Variants in MMP16 observed in about 807,000 individuals in gnomAD.
MMP16 encodes the protein matrix metallopeptidase 16.
In MMP16, 12 loss-of-function variants were observed where a neutral mutation model predicts 67.8. That is an observed-to-expected ratio of 0.18 (90% CI 0.11 to 0.29). The LOEUF (loss-of-function observed/expected upper bound fraction) is 0.29. Among genes scored for constraint, MMP16 ranks in the 10% least tolerant of loss-of-function variants. The pLI, the probability that MMP16 is intolerant of heterozygous loss-of-function variation, is 1.00. For missense variants in MMP16, 475 were observed against 765.7 expected, an observed-to-expected ratio of 0.62 and a Z score of 4.48; for synonymous variants, 249 against 255.9, an observed-to-expected ratio of 0.97 and a Z score of 0.26.
intron 1 of MMP16, among the ~76,000 whole-genome samples, chr8:88,271,953 A>C (rs1274628947): frequency 6.6e-6 from 1 of 152,228 alleles, no homozygotes; most frequent in Non-Finnish European, 1.5e-5. Flanking sequence ...TTGGCTCAGC[A>C]ATTTACCAGC....
intron 3 of MMP16, among the ~76,000 whole-genome samples, chr8:88,183,712 C>CTTTTTTTTTTTT (rs71277981): frequency 1.1e-5 from 1 of 92,066 alleles, no homozygotes; most frequent in Non-Finnish European, 2.0e-5. Context: ...AAATGTCCTT[C>CTTTTTTTTTTTT]TTTTTTTTTT....
intron 9 of MMP16, among the ~76,000 whole-genome samples, chr8:88,045,201 T>G (rs1399690365): frequency 1.3e-5 from 2 of 152,222 alleles, no homozygotes; most frequent in Non-Finnish European, 2.9e-5. Context: ...TGGGACACTA[T>G]CACACAGAAT....
At chr8:88,078,447 C>T (rs553890227) in intron 6 of MMP16, among the ~76,000 whole-genome samples, 4 of 152,196 alleles carry the variant, frequency 2.6e-5, no homozygotes, top group Admixed American at 1.3e-4. Context: ...AATTCTGGCT[C>T]GTGATAGGCA....
intron 1 of MMP16, among the ~76,000 whole-genome samples, chr8:88,294,244 A>G (rs1002572143): frequency 1.3e-5 from 2 of 150,790 alleles, no homozygotes; most frequent in African/African-American, 4.9e-5. Context: ...ACATATATAT[A>G]CACATATATA....
chr8:88,039,657 A>C lies in MMP16; in HGVS notation c.*1804T>G, dbSNP rs1459688537. 1 of 152,632 alleles carries C rather than the reference A, an allele frequency of 6.6e-6. No homozygotes were observed. The highest frequency in any genetic ancestry group is 2.4e-5 in the African/African-American group (1 of 41,454). 9.5% of individuals were successfully genotyped at this position (152,632 alleles called of 1,614,324 possible). ...CATTGTTTCAAAAGCTAATCCCCTC[A>C]AAGCTGGCTTTCACACAAAGCCAAT... On this transcript the variant is annotated 3_prime_UTR_variant, in exon 10 of 10. Transcript: ENST00000286614. This position sits in a 1 kb window ranked among gnomAD's most constrained non-coding sequence, Gnocchi z 4.5.
intron 6 of MMP16, among the ~76,000 whole-genome samples, chr8:88,079,721 C>T (rs1808714815): frequency 6.6e-6 from 1 of 152,030 alleles, no homozygotes; most frequent in Non-Finnish European, 1.5e-5. Context: ...GGAGGTGGAG[C>T]CTTTGGGAAT....
intron 6 of MMP16, among the ~76,000 whole-genome samples, chr8:88,094,393 A>G (rs1283110631): frequency 6.6e-6 from 1 of 151,768 alleles, no homozygotes; most frequent in Admixed American, 6.6e-5. Flanking sequence ...AACTAGTGAT[A>G]TTGTTCACTG....
chr8:88,057,752 A>G (rs576281532), intron 7 of MMP16, among the ~76,000 whole-genome samples: 1 of 152,262 alleles, frequency 6.6e-6, no homozygotes, highest in Non-Finnish European at 1.5e-5. Flanking sequence ...TTACTCCAAG[A>G]GCTTCTACTA....
chr8:88,179,309 A>G (rs897249283), intron 3 of MMP16, among the ~76,000 whole-genome samples: 3 of 152,112 alleles, frequency 2.0e-5, no homozygotes, highest in South Asian at 2.1e-4. Flanking sequence ...TGAAATATTC[A>G]AGGTTTAAAT....
intron 8 of MMP16, among the ~76,000 whole-genome samples, chr8:88,047,851 G>C (rs1808218788): frequency 6.6e-6 from 1 of 152,184 alleles, no homozygotes; most frequent in Non-Finnish European, 1.5e-5. Context: ...GTTTGAAGGA[G>C]ATAAGGCAGA....
chr8:88,168,087 A>G (rs778950422), intron 3 of MMP16, 114 bp from the exon 4 acceptor site: 177 of 715,834 alleles, frequency 2.5e-4, no homozygotes, highest in Non-Finnish European at 3.8e-4. Flanking sequence ...TTAAATAGGA[A>G]TAACACGTAT....
At chr8:88,264,942 G>T (rs1810451171) in intron 1 of MMP16, among the ~76,000 whole-genome samples, 1 of 152,162 alleles carries the variant, frequency 6.6e-6, no homozygotes, top group South Asian at 2.1e-4. Flanking sequence ...TGTTTCCAAT[G>T]ACTTGGCAAG....
intron 2 of MMP16, among the ~76,000 whole-genome samples, chr8:88,194,912 A>G (rs1809226362): frequency 1.3e-5 from 2 of 152,158 alleles, no homozygotes; most frequent in Non-Finnish European, 2.9e-5. Context: ...TTGATTTTAA[A>G]TTATGGGCTG....
intron 4 of MMP16, among the ~76,000 whole-genome samples, chr8:88,162,512 C>T (rs1311906758): frequency 6.6e-6 from 1 of 151,788 alleles, no homozygotes; most frequent in Non-Finnish European, 1.5e-5. Flanking sequence ...AGTTAAAGTC[C>T]TTGACTGTCC....
chr8:88,154,573 T>G (rs1253318229), intron 4 of MMP16, among the ~76,000 whole-genome samples: 1 of 151,656 alleles, frequency 6.6e-6, no homozygotes, highest in Non-Finnish European at 1.5e-5. Flanking sequence ...TGTAGGGACA[T>G]GGATGAAATT....
chr8:88,178,400 G>A (rs1194250574), intron 3 of MMP16, among the ~76,000 whole-genome samples: 1 of 152,130 alleles, frequency 6.6e-6, no homozygotes, highest in Non-Finnish European at 1.5e-5. Context: ...CAGAAATTAA[G>A]AATGCCTTTA....
intron 4 of MMP16, among the ~76,000 whole-genome samples, chr8:88,147,410 T>A (rs1332504296): frequency 6.6e-6 from 1 of 152,144 alleles, no homozygotes; most frequent in Non-Finnish European, 1.5e-5. Context: ...CACATTGTTA[T>A]TAATGTGTGC....
intron 1 of MMP16, among the ~76,000 whole-genome samples, chr8:88,248,058 C>A (rs1466913055): frequency 6.6e-6 from 1 of 151,992 alleles, no homozygotes; most frequent in Non-Finnish European, 1.5e-5. Flanking sequence ...GTTGAAATAT[C>A]CCCTATATAC....
chr8:88,307,027 C>T (rs959211180), intron 1 of MMP16, among the ~76,000 whole-genome samples: 2 of 152,112 alleles, frequency 1.3e-5, no homozygotes, highest in Admixed American at 1.3e-4. Flanking sequence ...TCTAGAAAAC[C>T]CCATTGTCTC....
Sources: gnomAD v4.1 joint callset for allele counts (sites outside exome capture counted in the v4.1 genomes callset) on GRCh38, gnomAD v4.1.1 for gene constraint, Gnocchi (gnomAD v3.1) non-coding constraint, MANE v1.5 for transcripts, NCBI Gene and HGNC (gene_info 2026-07-23, HGNC 2026-07-21) for gene names.